CHRM3: variants seen among roughly 807,000 people sequenced by gnomAD.
CHRM3 encodes the protein cholinergic receptor muscarinic 3.
In CHRM3, 11 loss-of-function variants were observed where a neutral mutation model predicts 41.8. The ratio of observed to expected loss-of-function variants is 0.26; its 90% CI spans 0.17 to 0.44. The LOEUF is 0.44. CHRM3 is among the 20% of genes least tolerant of loss of function. CHRM3 has a pLI of 1.00. For missense variants in CHRM3, 571 were observed against 745.4 expected (o/e 0.77, Z 2.72); for synonymous variants, 297 against 301.4 (o/e 0.99, Z 0.15).
intron 1 of CHRM3, among the ~76,000 whole-genome samples, chr1:239,390,901 C>T (rs116292473): frequency 0.022 from 3,352 of 152,218 alleles, 62 homozygotes; most frequent in Non-Finnish European, 0.037. Context: ...GTTTGGGAGG[C>T]CAAGGCAGGA....
At chr1:239,565,500 A>G (rs1163518995) in intron 3 of CHRM3, among the ~76,000 whole-genome samples, 1 of 152,170 alleles carries the variant, frequency 6.6e-6, no homozygotes, top group African/African-American at 2.4e-5. Context: ...TTGAAGTCAT[A>G]CTATGAAACT....
intron 5 of CHRM3, among the ~76,000 whole-genome samples, chr1:239,774,102 C>T (rs1667902374): frequency 6.6e-6 from 1 of 152,116 alleles, no homozygotes; most frequent in Non-Finnish European, 1.5e-5. Flanking sequence ...AGGACTAAAC[C>T]AAGGTAACCT....
intron 6 of CHRM3, among the ~76,000 whole-genome samples, chr1:239,894,921 T>C (rs1387199603): frequency 6.6e-6 from 1 of 152,104 alleles, no homozygotes; most frequent in Non-Finnish European, 1.5e-5. Context: ...AGGACACAAA[T>C]TCAGGCTGTC....
At chr1:239,419,690 T>C (rs560021252) in intron 1 of CHRM3, among the ~76,000 whole-genome samples, 1 of 152,200 alleles carries the variant, frequency 6.6e-6, no homozygotes, top group Admixed American at 6.5e-5. Context: ...TAAAATGAAA[T>C]GGTAACAATG....
intron 5 of CHRM3, among the ~76,000 whole-genome samples, chr1:239,681,440 C>G (rs1658553041): frequency 6.6e-6 from 1 of 152,198 alleles, no homozygotes; most frequent in South Asian, 2.1e-4. Context: ...GTGCATGGCA[C>G]AATCACTATT....
At chr1:239,844,617 G>A (rs1428410440) in intron 6 of CHRM3, among the ~76,000 whole-genome samples, 5 of 152,156 alleles carry the variant, frequency 3.3e-5, no homozygotes, top group East Asian at 1.9e-4. Context: ...ATGGGTGGCC[G>A]TTGCTAATCT....
intron 6 of CHRM3, among the ~76,000 whole-genome samples, chr1:239,837,674 T>C (rs1325572572): frequency 3.3e-5 from 5 of 152,262 alleles, no homozygotes; most frequent in African/African-American, 1.2e-4. Context: ...CTTAACTACA[T>C]AATTATAAAT....
chr1:239,610,587 C>G (rs995455717), intron 3 of CHRM3, among the ~76,000 whole-genome samples: 1 of 152,158 alleles, frequency 6.6e-6, no homozygotes, highest in African/African-American at 2.4e-5. Context: ...TTGGTCCTCA[C>G]ATCAGCTTGT....
chr1:239,414,114 G>A (rs1246814182), intron 1 of CHRM3, among the ~76,000 whole-genome samples: 1 of 152,134 alleles, frequency 6.6e-6, no homozygotes. Context: ...AGCAGGTGCC[G>A]TCTCTCCAGC....
At chr1:239,614,611 T>G (rs1191477041) in intron 3 of CHRM3, among the ~76,000 whole-genome samples, 1 of 152,188 alleles carries the variant, frequency 6.6e-6, no homozygotes, top group Non-Finnish European at 1.5e-5. Context: ...GTTAGAATTT[T>G]CACGCTTATT....
rs1442740092 is a variant in CHRM3 at position 239,639,452 on chromosome 1, T to C, written c.-250+7166T>C. ...TCTTTTATTTCATTGAGCAGTGGTT[T>C]GTAGTTCTTCTTGAAGAGGTCCTTC... is the stretch of plus-strand genomic sequence containing the variant. On this transcript the variant is annotated intron_variant, in intron 4 of 6. Coordinates refer to ENST00000676153, the MANE Select transcript of CHRM3 (RefSeq NM_001375978.1). 1.6e-4 allele frequency among the ~76,000 whole-genome samples: 24 copies of C among 152,210 alleles called. 1 individual carries two copies. The highest frequency in any genetic ancestry group is 2.5e-4 in the Non-Finnish European group (17 of 68,040).
At chr1:239,649,094 C>T (rs1672010946) in intron 4 of CHRM3, among the ~76,000 whole-genome samples, 1 of 152,044 alleles carries the variant, frequency 6.6e-6, no homozygotes, top group African/African-American at 2.4e-5. Flanking sequence ...ATGTTTGCAG[C>T]CATAGGTGCT....
At chr1:239,539,724 A>G (rs1341727157) in intron 2 of CHRM3, among the ~76,000 whole-genome samples, 1 of 152,062 alleles carries the variant, frequency 6.6e-6, no homozygotes, top group Non-Finnish European at 1.5e-5. Flanking sequence ...CAACCTCCCA[A>G]GGCTCAGGTG....
chr1:239,469,985 C>A (rs75514602), intron 1 of CHRM3, among the ~76,000 whole-genome samples: 4 of 152,096 alleles, frequency 2.6e-5, no homozygotes, highest in African/African-American at 9.7e-5. Context: ...GTTTGTGTCA[C>A]GTTCACATCC....
chr1:239,805,913 G>T (rs112326834), intron 5 of CHRM3, among the ~76,000 whole-genome samples: 42 of 152,132 alleles, frequency 2.8e-4, no homozygotes, highest in Non-Finnish European at 4.7e-4. Context: ...TGCTTTCACG[G>T]TTTCTTCCTG....
At chr1:239,518,356 G>A (rs551827993) in intron 2 of CHRM3, among the ~76,000 whole-genome samples, 2 of 152,198 alleles carry the variant, frequency 1.3e-5, no homozygotes, top group African/African-American at 2.4e-5. Context: ...ACTTAACCCC[G>A]CTGCCACCTC....
chr1:239,749,341 T>C (rs1314365927), intron 5 of CHRM3, among the ~76,000 whole-genome samples: 1 of 152,136 alleles, frequency 6.6e-6, no homozygotes, highest in East Asian at 1.9e-4. Context: ...GTGCTGTCCT[T>C]ACCACTTAAA....
In CHRM3 at chr1:239,908,560, A is replaced by G; in HGVS notation, c.1109A>G (p.Lys370Arg). ...ETRAIYSIVL[K>R]LPGHSTILNS... ...AGAGCCATCTACTCCATCGTGCTCA[A>G]GCTTCCGGGTCACAGCACCATCCTC... The change falls in exon 7 of 7, where the codon AAG becomes AGG. Residue 370 changes from lysine to arginine, a missense_variant. Physicochemically the swap from Lys to Arg is conservative, Grantham distance 26. This residue lies in a region of CHRM3 where 239 missense variants were observed against 239.6 expected (regional missense o/e 1.00). Coordinates refer to ENST00000676153, the MANE Select transcript of CHRM3 (RefSeq NM_001375978.1). The surrounding 1 kb of genome is among the most constrained non-coding windows in gnomAD (Gnocchi z 7.2). 6.3e-7 allele frequency: 1 copy of G among 1,589,272 alleles called. No homozygotes were observed. The highest frequency in any genetic ancestry group is 1.2e-5 in the South Asian group (1 of 86,678).
At chr1:239,462,872 G>A (rs1337648387) in intron 1 of CHRM3, among the ~76,000 whole-genome samples, 1 of 152,146 alleles carries the variant, frequency 6.6e-6, no homozygotes, top group Non-Finnish European at 1.5e-5. Flanking sequence ...ACATTTTAGA[G>A]AATCAATTTC....
Sources: gnomAD v4.1 joint callset for allele counts (sites outside exome capture counted in the v4.1 genomes callset) on GRCh38, gnomAD v4.1.1 for gene constraint, gnomAD v4.1.1 regional missense constraint, Gnocchi (gnomAD v3.1) non-coding constraint, MANE v1.5 for transcripts, NCBI Gene and HGNC (gene_info 2026-07-23, HGNC 2026-07-21) for gene names.